Variants in SEC14L5 observed in about 807,000 individuals in gnomAD.
SEC14L5 encodes SEC14-like protein 5.
SEC14L5 carries 96 observed loss-of-function variants against 84.6 expected under a neutral mutation model. That is an observed-to-expected ratio of 1.13 (90% CI 0.96 to 1.34). The LOEUF (loss-of-function observed/expected upper bound fraction) is 1.34. SEC14L5 is among the 40% of genes most tolerant of loss of function. The pLI is 0.00. For missense variants in SEC14L5, 1,224 were observed against 942.5 expected, an observed-to-expected ratio of 1.30 and a Z score of -3.91; for synonymous variants, 546 against 383.4, an observed-to-expected ratio of 1.42 and a Z score of -4.95.
Position 5,015,917 on chromosome 16 carries a change from C to T in SEC14L5, c.*947C>T, listed in dbSNP as rs533380330. 6.6e-6 allele frequency: 1 copy of T among 152,302 alleles called. No homozygotes were observed. Among genetic ancestry groups the T allele is most frequent in the African/African-American group, 2.4e-5 (1 of 41,456 alleles). 9.4% of individuals were successfully genotyped at this position (152,302 alleles called of 1,614,324 possible). ...CCCTGGGTTTCTGCTAAGTTCCAGG[C>T]AGTGATGGGGTGACTGAGGCTGTCT... On this transcript the variant is annotated 3_prime_UTR_variant, in exon 16 of 16. Coordinates refer to ENST00000251170, the MANE Select transcript of SEC14L5 (RefSeq NM_014692.2).
chr16:4,992,000 G>A lies in SEC14L5; in HGVS notation c.637G>A (p.Gly213Arg). 6.3e-7 allele frequency: 1 copy of A among 1,580,864 alleles called. No homozygotes were observed. Among genetic ancestry groups the A allele is most frequent in the Non-Finnish European group, 8.6e-7 (1 of 1,169,452 alleles). Residue 213 changes from glycine to arginine, a missense_variant, in exon 6 of 16, where the codon GGG (glycine) becomes AGG (arginine). Physicochemically the swap from Gly to Arg is moderately radical, Grantham distance 125. Transcript: ENST00000251170. ...GGCCCACGGGCCCCGTAGCACCCTGGGGCCCGCTCTGGAGGCGGTCAGTAT... is the reference window on the plus strand; with the variant it reads ...GGCCCACGGGCCCCGTAGCACCCTGAGGCCCGCTCTGGAGGCGGTCAGTAT... ...LEAHGPRSTL[G>R]PALEAVSMDG...
At chr16:4,960,980 G>A (rs1216002839) in intron 2 of SEC14L5, among the ~76,000 whole-genome samples, 2 of 152,102 alleles carry the variant, frequency 1.3e-5, no homozygotes, top group Admixed American at 6.6e-5. Context: ...TTAGAAAGTT[G>A]CTGAACTTAA....
Position 5,015,050 on chromosome 16 carries a change from G to T in SEC14L5, c.*80G>T. ...GAATGAGAAGCCAGCTAACTGCAGG[G>T]CCTGGGACCATGTGGGCTGGAGCCC... is the stretch of plus-strand genomic sequence containing the variant. On this transcript the variant is annotated 3_prime_UTR_variant, in exon 16 of 16. Coordinates refer to ENST00000251170, the MANE Select transcript of SEC14L5 (RefSeq NM_014692.2). The T allele has an allele frequency of 8.8e-7, 1 of 1,142,288 alleles. No homozygotes were observed. The allele number at this position is 1,142,288 out of a possible 1,614,324, so 70.8% of individuals were successfully genotyped here.
intron 2 of SEC14L5, among the ~76,000 whole-genome samples, chr16:4,986,899 A>G (rs1955493580): frequency 6.6e-6 from 1 of 152,200 alleles, no homozygotes; most frequent in Non-Finnish European, 1.5e-5. Flanking sequence ...TGCTGAACTC[A>G]TTGATTAGTT....
At chr16:4,993,933 A>C (rs186348535) in intron 6 of SEC14L5, among the ~76,000 whole-genome samples, 67 of 150,212 alleles carry the variant, frequency 4.5e-4, no homozygotes, top group Admixed American at 3.1e-3. Context: ...GAGCAAGATC[A>C]GGCATGATTT....
chr16:4,996,220 G>T, intron 6 of SEC14L5, 128 bp from the exon 7 acceptor site: 1 of 603,542 alleles, frequency 1.7e-6, no homozygotes, highest in Non-Finnish European at 3.0e-6. Context: ...TCTGGGGCGG[G>T]GGCTTAGCCT....
rs1955666404 is a variant in SEC14L5 at position 5,000,755 on chromosome 16, G to A, written c.1059+12G>A. ...CGCTGCTGCGGCATGTGAGTCAGGG[G>A]CCTCGTTCCTGGACGCCGTGCCTGG... is the stretch of plus-strand genomic sequence containing the variant. On this transcript the variant is annotated intron_variant, in intron 9 of 15. Transcript: ENST00000251170. The A allele has an allele frequency of 3.2e-6, 5 of 1,553,358 alleles. No homozygotes were observed. The highest frequency in any genetic ancestry group is 4.4e-6 in the Non-Finnish European group (5 of 1,148,070).
At chr16:4,997,481 T>C (rs2142514041) in intron 8 of SEC14L5, among the ~76,000 whole-genome samples, 1 of 152,308 alleles carries the variant, frequency 6.6e-6, no homozygotes, top group African/African-American at 2.4e-5. Context: ...AGAAATGCTT[T>C]GAAGTGACAA....
At chr16:5,011,736 C>A (rs1026406100) in intron 15 of SEC14L5, among the ~76,000 whole-genome samples, 2 of 152,186 alleles carry the variant, frequency 1.3e-5, no homozygotes, top group Non-Finnish European at 2.9e-5. Context: ...TCGGGCAAAT[C>A]ACTTTTCCTC....
intron 15 of SEC14L5, among the ~76,000 whole-genome samples, chr16:5,014,174 C>T (rs1332861097): frequency 6.6e-6 from 1 of 152,218 alleles, no homozygotes; most frequent in Non-Finnish European, 1.5e-5. Flanking sequence ...GTCGCATGGG[C>T]CACATTTCAA....
At chr16:4,967,386 G>A (rs1811257) in intron 2 of SEC14L5, among the ~76,000 whole-genome samples, 34,979 of 151,778 alleles carry the variant, frequency 0.23, 4,867 homozygotes, top group Non-Finnish European at 0.3. Flanking sequence ...TTGATTACTT[G>A]TAAAGACCTG....
intron 15 of SEC14L5, among the ~76,000 whole-genome samples, chr16:5,013,009 T>C (rs1044774041): frequency 6.6e-6 from 1 of 151,902 alleles, no homozygotes; most frequent in East Asian, 1.9e-4. Flanking sequence ...CTTACTATCA[T>C]GGCGGAAGGC....
rs1955884085 is a variant in SEC14L5, at chr16:5,017,156, G to A, written c.*2186G>A. On this transcript the variant is annotated 3_prime_UTR_variant, in exon 16 of 16. Transcript: ENST00000251170. ...ACACAGAAGCCTTTTACGGAAGGAA[G>A]CTGGAACTGCCTGTTCCAGAGGCGG... 6.6e-6 allele frequency: 1 copy of A among 150,830 alleles called. No homozygotes were observed. Among genetic ancestry groups the A allele is most frequent in the African/African-American group, 2.4e-5 (1 of 40,932 alleles). 9.3% of individuals were successfully genotyped at this position (150,830 alleles called of 1,614,324 possible).
intron 15 of SEC14L5, among the ~76,000 whole-genome samples, chr16:5,011,651 C>G (rs1193810371): frequency 6.6e-6 from 1 of 152,150 alleles, no homozygotes; most frequent in South Asian, 2.1e-4. Context: ...ACAACCCTCC[C>G]CAAGTTGTTG....
chr16:4,970,897 C>G (rs1402415934), intron 2 of SEC14L5, among the ~76,000 whole-genome samples: 1 of 152,142 alleles, frequency 6.6e-6, no homozygotes, highest in Non-Finnish European at 1.5e-5. Context: ...ATCACGAGGT[C>G]AGGACTTTGA....
At position 5,011,175 on chromosome 16, in the gene SEC14L5, C is replaced by T. The variant is rs547836856; in HGVS notation, c.1881C>T (p.Ser627=). ...GCCCCCCCAGCAGCGTGGCCTGCAG[C>T]CTCCCGGGTGTGGACGATGTCCTGA... ...MHSPPSSVAC[S]LPGVDDVLTA... The change falls in exon 15 of 16, where the codon AGC becomes AGT. Residue 627 remains serine (S), a synonymous_variant. Transcript: ENST00000251170. 1.9e-5 allele frequency: 31 copies of T among 1,613,618 alleles called. No homozygotes were observed. The highest frequency in any genetic ancestry group is 2.4e-5 in the Non-Finnish European group (28 of 1,179,776).
Position 5,017,385 on chromosome 16 carries a change from G to A in SEC14L5, c.*2415G>A, listed in dbSNP as rs1455051902. The stretch of plus-strand genomic sequence containing the variant: ...CTGCTTCAGATATGGCTGGATCCAG[G>A]AGCTTAATGTCCTCAGGCCTCTCAA... On this transcript the variant is annotated 3_prime_UTR_variant, in exon 16 of 16. Transcript: ENST00000251170. 5.3e-5 allele frequency: 8 copies of A among 152,334 alleles called. No individual in the cohort carries two copies. The highest frequency in any genetic ancestry group is 8.8e-5 in the Non-Finnish European group (6 of 68,134). 9.4% of individuals were successfully genotyped at this position (152,334 alleles called of 1,614,324 possible).
intron 2 of SEC14L5, among the ~76,000 whole-genome samples, chr16:4,986,991 T>C (rs1955494772): frequency 6.6e-6 from 1 of 152,228 alleles, no homozygotes; most frequent in African/African-American, 2.4e-5. Flanking sequence ...ACAGATAGTT[T>C]TACTTCTTCC....
rs1555530444 is a variant in SEC14L5 at position 4,998,003 on chromosome 16, C to CCTTTTTTTTTTTTTTTTTTTTT, written c.970+959_970+960insCTTTTTTTTTTTTTTTTTTTTT. On this transcript the variant is annotated intron_variant, in intron 8 of 15. Coordinates refer to ENST00000251170, the MANE Select transcript of SEC14L5 (RefSeq NM_014692.2). Reference sequence around the variant, plus strand: ...AATTACACCTGCACAGACTCTAGTTCTTTTTTTTTTTTTTTTTTGAGACAG... The same window carrying CCTTTTTTTTTTTTTTTTTTTTT: ...AATTACACCTGCACAGACTCTAGTTCCTTTTTTTTTTTTTTTTTTTTTTTTTTTTTTTTTTTTTTTGAGACAG... 6.4e-5 allele frequency among the ~76,000 whole-genome samples: 5 copies of CCTTTTTTTTTTTTTTTTTTTTT among 77,896 alleles called. 2 individuals are homozygous for CCTTTTTTTTTTTTTTTTTTTTT. Among genetic ancestry groups the CCTTTTTTTTTTTTTTTTTTTTT allele is most frequent in the Non-Finnish European group, 1.3e-4 (5 of 37,856 alleles). The allele number at this position is 77,896 out of a possible 152,430, so 51.1% of individuals were successfully genotyped here.
Sources: gnomAD v4.1 joint callset for allele counts (sites outside exome capture counted in the v4.1 genomes callset) on GRCh38, gnomAD v4.1.1 for gene constraint, MANE v1.5 for transcripts, NCBI Gene and HGNC (gene_info 2026-07-23, HGNC 2026-07-21) for gene names.